The following CLPTM1L variants were observed in gnomAD, a reference collection of about 807,000 sequenced individuals.
The protein encoded by CLPTM1L is lipid scramblase CLPTM1L.
In CLPTM1L, 38 loss-of-function variants were observed where a neutral mutation model predicts 70.9. The observed-to-expected ratio is 0.54, with a 90% CI of 0.41 to 0.70. CLPTM1L has a LOEUF of 0.70. CLPTM1L is among the 30% of genes least tolerant of loss of function. CLPTM1L has a pLI of 0.00. For synonymous variants in CLPTM1L, 339 were observed against 299.9 expected, an observed-to-expected ratio of 1.13 and a Z score of -1.35; for missense variants, 652 against 705.9, an observed-to-expected ratio of 0.92 and a Z score of 0.87.
rs773119389 is a variant in CLPTM1L at position 1,324,798 on chromosome 5, C to T, written c.1162G>A (p.Glu388Lys). ...TACTCCTCGGTTTTCCTCTCAGATTCGCTGTAAGTGCCAAACTGTTGTGAA... is the reference window on the plus strand; with the variant it reads ...TACTCCTCGGTTTTCCTCTCAGATTTGCTGTAAGTGCCAAACTGTTGTGAA... Reference protein sequence around the residue: ...MPEFQFGTYSESERKTEEYDT... With the variant: ...MPEFQFGTYSKSERKTEEYDT... The change falls in exon 11 of 17, where the codon GAA becomes AAA. Residue 388 changes from glutamate (E) to lysine (K), a missense_variant. Physicochemically the swap from Glu to Lys is moderately conservative, Grantham distance 56. Transcript: ENST00000320895. 7.4e-6 allele frequency: 12 copies of T among 1,613,966 alleles called. No homozygotes were observed. The highest frequency in any genetic ancestry group is 6.7e-5 in the African/African-American group (5 of 74,942).
chr5:1,343,859 G>A (rs1240151739), intron 2 of CLPTM1L, among the ~76,000 whole-genome samples: 1 of 152,232 alleles, frequency 6.6e-6, no homozygotes, highest in Non-Finnish European at 1.5e-5. Context: ...GGCCATGTCA[G>A]ATGTAATTTT....
In CLPTM1L at chr5:1,342,734, G is replaced by A. The variant is rs1394256457; in HGVS notation, c.264-874C>T. Reference sequence around the variant, plus strand: ...CCCGAGTAGCTGGGACTACAGGTGGGCGTGCCACCATGCCTGGCTAACTTT... The same window carrying A: ...CCCGAGTAGCTGGGACTACAGGTGGACGTGCCACCATGCCTGGCTAACTTT... On this transcript the variant is annotated intron_variant, in intron 2 of 16. Coordinates refer to ENST00000320895, the MANE Select transcript of CLPTM1L (RefSeq NM_030782.5). This position sits in a 1 kb window ranked among gnomAD's most constrained non-coding sequence, Gnocchi z 4.3. 6.6e-6 allele frequency among the ~76,000 whole-genome samples: 1 copy of A among 152,222 alleles called. No individual in the cohort carries two copies. The highest frequency in any genetic ancestry group is 2.1e-4 in the South Asian group (1 of 4,828).
rs762673719 is a variant in CLPTM1L at position 1,344,497 on chromosome 5, A to G, written c.163-46T>C. The G allele has an allele frequency of 2.6e-6, 4 of 1,557,884 alleles. No homozygotes were observed. The Admixed American group carries it at 5.1e-5, about 20-fold the overall frequency. ...AGAGTCAGCTCGGCCAGGCCCTGGC[A>G]GGACGCACTCAAATCCCACGGCCAG... is the stretch of plus-strand genomic sequence containing the variant. On this transcript the variant is annotated intron_variant, in intron 1 of 16. Transcript: ENST00000320895.
At chr5:1,341,390 G>A (rs921713185) in intron 3 of CLPTM1L, among the ~76,000 whole-genome samples, 16 of 152,194 alleles carry the variant, frequency 1.1e-4, no homozygotes, top group African/African-American at 3.4e-4. Flanking sequence ...TGCAGTAGGT[G>A]CCCCCAGAGA....
chr5:1,334,533 C>G (rs1753431988), intron 6 of CLPTM1L, 150 bp from the exon 7 acceptor site: 2 of 600,270 alleles, frequency 3.3e-6, no homozygotes, highest in South Asian at 4.1e-5. Context: ...GCAGGCAGAT[C>G]ACTTGAAGTC....
intron 3 of CLPTM1L, among the ~76,000 whole-genome samples, chr5:1,341,152 C>T (rs1323937837): frequency 2.6e-5 from 4 of 152,256 alleles, no homozygotes; most frequent in Non-Finnish European, 5.9e-5. Flanking sequence ...TATTCATGAT[C>T]ACTTAAGTGA....
Position 1,344,416 on chromosome 5 carries a change from A to T in CLPTM1L, c.198T>A (p.Gly66=). The change falls in exon 2 of 17, where the codon GGT becomes GGA. Residue 66 remains glycine, a synonymous_variant. Transcript: ENST00000320895. ...SVYTTTRSHL[G]AENNIDLVLN... ...AGACCAGGTCGATGTTGTTCTCAGC[A>T]CCCAGGTGGGACCTCGTCGTGGTGT... 6.2e-7 allele frequency: 1 copy of T among 1,613,750 alleles called. No homozygotes were observed. The highest frequency in any genetic ancestry group is 1.1e-5 in the South Asian group (1 of 91,076).
chr5:1,331,673 C>A, intron 8 of CLPTM1L, 126 bp downstream of exon 8: 1 of 797,902 alleles, frequency 1.3e-6, no homozygotes, highest in Non-Finnish European at 2.1e-6. Flanking sequence ...AGAGGCTTCT[C>A]AAGAGCCAAG....
chr5:1,333,657 C>T (rs1445751065), intron 7 of CLPTM1L, among the ~76,000 whole-genome samples: 14 of 106,744 alleles, frequency 1.3e-4, no homozygotes, highest in African/African-American at 4.9e-4. Context: ...ACTGTATACA[C>T]ACCGGCTGAG....
At chr5:1,322,056 A>C (rs747692507) in intron 13 of CLPTM1L, among the ~76,000 whole-genome samples, 3 of 152,214 alleles carry the variant, frequency 2.0e-5, no homozygotes, top group Non-Finnish European at 2.9e-5. Flanking sequence ...TCTATTTATT[A>C]ATCAGTGTAA....
At chr5:1,332,112 T>G in intron 7 of CLPTM1L, 1 of 552,118 alleles carries the variant, frequency 1.8e-6, no homozygotes, top group Non-Finnish European at 3.2e-6. Flanking sequence ...AAATAATACG[T>G]ACCTTTGACT....
chr5:1,339,043 G>A (rs1432254289), intron 3 of CLPTM1L, 38 bp from the exon 4 acceptor site: 9 of 1,601,146 alleles, frequency 5.6e-6, no homozygotes, highest in Non-Finnish European at 7.7e-6. Context: ...TGCTGGGACA[G>A]AAAACCATGC....
At chr5:1,320,780 A>G in intron 15 of CLPTM1L, 49 bp from the exon 16 acceptor site, 1 of 1,142,536 alleles carries the variant, frequency 8.8e-7, no homozygotes, top group African/African-American at 1.6e-5. Flanking sequence ...TGGGGCTGGA[A>G]TCCTACTGTT....
Position 1,318,253 on chromosome 5 carries a change from T to C in CLPTM1L, c.*116A>G. The C allele has an allele frequency of 1.3e-6, 1 of 789,386 alleles. No homozygotes were observed. Among genetic ancestry groups the C allele is most frequent in the Non-Finnish European group, 2.1e-6 (1 of 476,320 alleles). 48.9% of individuals were successfully genotyped at this position (789,386 alleles called of 1,614,324 possible). ...GAACTTGGGAGATGTCTGAGAAATG[T>C]CCGAAGGGATTTTGGCAACACAGAA... On this transcript the variant is annotated 3_prime_UTR_variant, in exon 17 of 17. Transcript: ENST00000320895. The surrounding 1 kb of genome is among the most constrained non-coding windows in gnomAD (Gnocchi z 8.9).
intron 9 of CLPTM1L, among the ~76,000 whole-genome samples, chr5:1,329,294 G>A (rs934549527): frequency 7.2e-5 from 11 of 152,374 alleles, no homozygotes; most frequent in East Asian, 5.8e-4. Flanking sequence ...CTACCTGGCC[G>A]CTGTGCTCAG....
rs1752492440 is a variant in CLPTM1L, at chr5:1,325,777, A to G, written c.1120T>C (p.Trp374Arg). 2 of 1,613,644 alleles carry G rather than the reference A, an allele frequency of 1.2e-6. No individual in the cohort carries two copies. Among genetic ancestry groups the G allele is most frequent in the African/African-American group, 2.7e-5 (2 of 74,934 alleles). Residue 374 changes from tryptophan (W) to arginine (R), a missense_variant, in exon 10 of 17, where the codon TGG becomes CGG. By Grantham distance (101) the Trp-to-Arg change is moderately radical (BLOSUM62 -3). Around this residue, in one of 3 missense-constraint regions of CLPTM1L, gnomAD observed 240 missense variants for 295.0 expected, o/e 0.81. Transcript: ENST00000320895. ...TGAAATTCGGGCATCAGGCCTCTCC[A>G]AAAAATAGTCATCTTCAATGCCTTC... ...VKKALKMTIF[W>R]RGLMPEFQFG...
At position 1,341,830 on chromosome 5, in the gene CLPTM1L, C is replaced by G. The variant is rs767569789; in HGVS notation, c.294G>C (p.Thr98=). ...AGGCATACAGCGTCCCATTGTTTCT[C>G]GTTTTCTTTGGTACAGAAACATTAA... is the stretch of plus-strand genomic sequence containing the variant. ...RTVNVSVPKK[T]RNNGTLYAYI... Residue 98 remains threonine, a synonymous_variant, in exon 3 of 17, where the codon ACG becomes ACC. Transcript: ENST00000320895. The G allele has an allele frequency of 6.8e-6, 11 of 1,613,764 alleles. No individual in the cohort carries two copies. Among genetic ancestry groups the G allele is most frequent in the Middle Eastern group, 1.7e-4 (1 of 6,060 alleles).
At chr5:1,324,051 C>G (rs1561230755) in intron 11 of CLPTM1L, 182 bp from the exon 12 acceptor site, 2 of 600,876 alleles carry the variant, frequency 3.3e-6, no homozygotes, top group Admixed American at 5.6e-5. Flanking sequence ...CGCCACAGCC[C>G]CAGGAGGCAC....
intron 9 of CLPTM1L, among the ~76,000 whole-genome samples, chr5:1,328,647 C>T (rs1561237013): frequency 6.6e-6 from 1 of 151,096 alleles, no homozygotes; most frequent in Non-Finnish European, 1.5e-5. Flanking sequence ...CCTCTACAGA[C>T]AGTTTTCTTC....
Sources: gnomAD v4.1 joint callset for allele counts (sites outside exome capture counted in the v4.1 genomes callset) on GRCh38, gnomAD v4.1.1 for gene constraint, gnomAD v4.1.1 regional missense constraint, Gnocchi (gnomAD v3.1) non-coding constraint, MANE v1.5 for transcripts, NCBI Gene and HGNC (gene_info 2026-07-23, HGNC 2026-07-21) for gene names.